EHMT1: variants seen among roughly 807,000 people sequenced by gnomAD.
The protein encoded by EHMT1 is histone-lysine N-methyltransferase EHMT1.
A neutral mutation model predicts 147.2 loss-of-function variants in EHMT1; 15 were observed. That is an observed-to-expected ratio of 0.10 (90% CI 0.07 to 0.16). EHMT1 has a LOEUF of 0.16. EHMT1 is among the 10% of genes least tolerant of loss of function. The pLI, the probability that EHMT1 is intolerant of heterozygous loss-of-function variation, is 1.00. For missense variants in EHMT1, 1,587 were observed against 1,772.4 expected, an observed-to-expected ratio of 0.90 and a Z score of 1.88; for synonymous variants, 795 against 709.6, an observed-to-expected ratio of 1.12 and a Z score of -1.91.
intron 4 of EHMT1, among the ~76,000 whole-genome samples, chr9:137,736,619 G>A (rs564084829): frequency 2.6e-4 from 40 of 152,376 alleles, no homozygotes; most frequent in Middle Eastern, 6.8e-3. Flanking sequence ...AGCCGGGCGC[G>A]ATGGCGCACG....
rs770731320 is a variant in EHMT1, at chr9:137,817,482, G to A, written c.3418G>A (p.Val1140Met). The change falls in exon 24 of 27, where the codon GTG (valine) becomes ATG (methionine). Residue 1140 changes from valine (V) to methionine (M), a missense_variant. Transcript: ENST00000460843. ...LYRTRDMGWG[V>M]RSLQDIPPGT... ...CCGGACGCGGGACATGGGCTGGGGC[G>A]TGCGGTCCCTGCAGGACATCCCACC... 1.9e-5 allele frequency: 30 copies of A among 1,614,102 alleles called. No homozygotes were observed. The highest frequency in any genetic ancestry group is 3.3e-5 in the Admixed American group (2 of 60,016).
intron 4 of EHMT1, chr9:137,738,555 G>C (rs530077799): frequency 6.6e-6 from 1 of 152,276 alleles, no homozygotes; most frequent in African/African-American, 2.4e-5. Context: ...TGCCCCAGCA[G>C]CACTGAAAGC....
intron 23 of EHMT1, 174 bp from the exon 24 acceptor site, chr9:137,817,265 T>A: frequency 1.4e-6 from 1 of 727,136 alleles, no homozygotes; most frequent in Non-Finnish European, 2.4e-6. Context: ...GGTTCTTGGC[T>A]CCCTGAGAGT....
intron 6 of EHMT1, among the ~76,000 whole-genome samples, chr9:137,748,835 G>A (rs891543546): frequency 1.3e-5 from 2 of 152,164 alleles, no homozygotes; most frequent in African/African-American, 4.8e-5. Flanking sequence ...CTTTGGCCTG[G>A]AAACAAGCCC....
chr9:137,620,187 C>T (rs1346714724), intron 1 of EHMT1: 4 of 152,050 alleles, frequency 2.6e-5, no homozygotes, highest in Admixed American at 6.6e-5. Context: ...TGCTGAGTAT[C>T]TGCAGCATTC....
rs1187905545 is a variant in EHMT1 at position 137,803,775 on chromosome 9, CAGG to C, written c.2712+2795_2712+2797del. 2.6e-5 allele frequency among the ~76,000 whole-genome samples: 4 copies of C among 151,468 alleles called. No homozygotes were observed. In the East Asian group the frequency reaches 7.8e-4, roughly 29 times the overall value. ...CTAAGGTGGGAAGATCGCTTGAGCC[CAGG>C]AGGTCAAGGCTGCAGTAAGCTGAGA... On this transcript the variant is annotated intron_variant, in intron 18 of 26. Coordinates refer to ENST00000460843, the MANE Select transcript of EHMT1 (RefSeq NM_024757.5).
intron 1 of EHMT1, among the ~76,000 whole-genome samples, chr9:137,702,672 G>A (rs1348569700): frequency 6.6e-6 from 1 of 152,206 alleles, no homozygotes; most frequent in Non-Finnish European, 1.5e-5. Context: ...TCTGGGGTCT[G>A]GAGGGTAGTG....
intron 1 of EHMT1, 125 bp from the exon 2 acceptor site, chr9:137,710,842 C>A: frequency 1.9e-6 from 2 of 1,056,160 alleles, no homozygotes; most frequent in Non-Finnish European, 1.4e-6. Flanking sequence ...AGGAGTAAAT[C>A]TGACTGTCCA....
chr9:137,811,061 C>T (rs1954439498), intron 18 of EHMT1, among the ~76,000 whole-genome samples: 1 of 152,014 alleles, frequency 6.6e-6, no homozygotes, highest in South Asian at 2.1e-4. Context: ...AAGCATTATC[C>T]TATCCTATGA....
intron 25 of EHMT1, chr9:137,832,545 C>T (rs1376414205): frequency 2.0e-5 from 3 of 151,496 alleles, no homozygotes; most frequent in African/African-American, 7.4e-5. Context: ...CCCACCCACC[C>T]ATGTGGCCCC....
At chr9:137,644,300 T>C (rs1213746542) in intron 1 of EHMT1, among the ~76,000 whole-genome samples, 1 of 152,134 alleles carries the variant, frequency 6.6e-6, no homozygotes, top group Non-Finnish European at 1.5e-5. Flanking sequence ...GAATTTGAGT[T>C]TCATATCACT....
chr9:137,622,027 C>T (rs1454430975), intron 1 of EHMT1, among the ~76,000 whole-genome samples: 1 of 151,124 alleles, frequency 6.6e-6, no homozygotes. Flanking sequence ...AGGTTTGTTA[C>T]ATATGTATAC....
rs1954468300 is a variant in EHMT1, at chr9:137,811,335, G to C, written c.2713-126G>C. On this transcript the variant is annotated intron_variant, in intron 18 of 26. Coordinates refer to ENST00000460843, the MANE Select transcript of EHMT1 (RefSeq NM_024757.5). ...TGTGGCACCCTTTCCACCTGGCCCT[G>C]CTGCGGACGGCCACGCATGCTCCAG... 6 of 1,345,582 alleles carry C rather than the reference G, an allele frequency of 4.5e-6. 1 individual carries two copies. The South Asian group carries it at 6.0e-5, about 14-fold the overall frequency. 83.4% of individuals were successfully genotyped at this position (1,345,582 alleles called of 1,614,324 possible).
In EHMT1 at chr9:137,775,380, C is replaced by A; in HGVS notation, c.1791+128C>A. 1 of 1,381,792 alleles carries A rather than the reference C, an allele frequency of 7.2e-7. No homozygotes were observed. The highest frequency in any genetic ancestry group is 9.9e-7 in the Non-Finnish European group (1 of 1,013,592). 85.6% of individuals were successfully genotyped at this position (1,381,792 alleles called of 1,614,324 possible). A position where few individuals can be genotyped will look rare whatever the true frequency, so the allele number is the denominator to read the frequency against. ...CAGCTGGCCCAGGTCTGGTGTCCGT[C>A]TGGAGGTCTCCAGTGTTCACAAGCC... On this transcript the variant is annotated intron_variant, in intron 11 of 26. Coordinates refer to ENST00000460843, the MANE Select transcript of EHMT1 (RefSeq NM_024757.5). The surrounding 1 kb of genome is among the most constrained non-coding windows in gnomAD (Gnocchi z 6.1).
At chr9:137,832,056 C>G (rs1342494945) in intron 25 of EHMT1, among the ~76,000 whole-genome samples, 1 of 151,514 alleles carries the variant, frequency 6.6e-6, no homozygotes, top group South Asian at 2.1e-4. Context: ...GCTGGGCTCC[C>G]TCCACAGGCT....
intron 4 of EHMT1, among the ~76,000 whole-genome samples, chr9:137,737,174 T>A (rs976629133): frequency 1.3e-5 from 2 of 152,214 alleles, no homozygotes; most frequent in African/African-American, 2.4e-5. Context: ...ATTGTATCAC[T>A]GCACTTTAGC....
intron 1 of EHMT1, among the ~76,000 whole-genome samples, chr9:137,704,886 CTCCTT>C (rs995097300): frequency 2.4e-4 from 36 of 147,680 alleles, no homozygotes; most frequent in African/African-American, 6.8e-4. Flanking sequence ...CCCTCCCTCC[CTCCTT>C]TCCTTTCCTT....
intron 1 of EHMT1, chr9:137,641,545 C>T (rs1564531429): frequency 1.5e-5 from 5 of 329,408 alleles, no homozygotes; most frequent in Non-Finnish European, 2.9e-5. Context: ...CTCATCTGCC[C>T]TGAAGAACGT....
At position 137,786,249 on chromosome 9, in the gene EHMT1, T is replaced by A. The variant is rs995394966; in HGVS notation, c.2382+3852T>A. The A allele has an allele frequency of 6.6e-6, 1 of 152,256 alleles. No homozygotes were observed. Among genetic ancestry groups the A allele is most frequent in the Non-Finnish European group, 1.5e-5 (1 of 68,056 alleles). 9.4% of individuals were successfully genotyped at this position (152,256 alleles called of 1,614,324 possible). On this transcript the variant is annotated intron_variant, in intron 15 of 26. Coordinates refer to ENST00000460843, the MANE Select transcript of EHMT1 (RefSeq NM_024757.5). The surrounding 1 kb of genome is among the most constrained non-coding windows in gnomAD (Gnocchi z 4.3). Reference sequence around the variant, plus strand: ...GTCTGACCAGTCTGGAACTTCGGGTTAAATTCCTAGCCTGATGTTTAATTT... The same window carrying A: ...GTCTGACCAGTCTGGAACTTCGGGTAAAATTCCTAGCCTGATGTTTAATTT...
Sources: gnomAD v4.1 joint callset for allele counts (sites outside exome capture counted in the v4.1 genomes callset) on GRCh38, gnomAD v4.1.1 for gene constraint, Gnocchi (gnomAD v3.1) non-coding constraint, MANE v1.5 for transcripts, NCBI Gene and HGNC (gene_info 2026-07-23, HGNC 2026-07-21) for gene names.